MISFA: variants seen among roughly 807,000 people sequenced by gnomAD.
The protein encoded by MISFA is mitochondrial sheath formation associated, also known as mitochondrial sheath formation-associated protein.
At chr11:18,606,629 ATATT>A in the MISFA span, 6 of 369,660 alleles carry the variant, frequency 1.6e-5, no homozygotes, top group Admixed American at 1.4e-4. Flanking sequence ...AAACGTCTGA[ATATT>A]TAATCACATC....
chr11:18,604,185 C>T, the MISFA span, among the ~76,000 whole-genome samples: 1 of 151,946 alleles, frequency 6.6e-6, no homozygotes, highest in Non-Finnish European at 1.5e-5. Flanking sequence ...CTCGGCCTCC[C>T]AAAGTGCTGG....
At chr11:18,604,208 G>A in the MISFA span, among the ~76,000 whole-genome samples, 2 of 152,000 alleles carry the variant, frequency 1.3e-5, no homozygotes, top group African/African-American at 4.8e-5. Context: ...TTACAGGCGT[G>A]AGCCAATGTG....
chr11:18,603,143 T>A, the MISFA span: 1 of 399,092 alleles, frequency 2.5e-6, no homozygotes, highest in Non-Finnish European at 4.4e-6. Flanking sequence ...GTCTTATGGA[T>A]GCTTCTCATT....
chr11:18,604,894 A>G, the MISFA span, among the ~76,000 whole-genome samples: 1 of 152,192 alleles, frequency 6.6e-6, no homozygotes, highest in African/African-American at 2.4e-5. Context: ...GAGCCAAACA[A>G]GAGACTGTGG....
At chr11:18,609,765 T>C in the MISFA span, 2 of 1,056,968 alleles carry the variant, frequency 1.9e-6, no homozygotes, top group Non-Finnish European at 2.8e-6. Context: ...AGTACCCAAG[T>C]ATAAATCTAA....
the MISFA span, among the ~76,000 whole-genome samples, chr11:18,605,501 G>A: frequency 6.6e-6 from 1 of 151,990 alleles, no homozygotes; most frequent in Non-Finnish European, 1.5e-5. Context: ...CTATTTGTAA[G>A]TGGCTCTTTG....
At chr11:18,609,575 C>A in the MISFA span, 1 of 335,588 alleles carries the variant, frequency 3.0e-6, no homozygotes. Flanking sequence ...TGGTGAGTGG[C>A]CCCACATTAG....
chr11:18,609,729 A>G, the MISFA span: 26 of 719,060 alleles, frequency 3.6e-5, no homozygotes, highest in East Asian at 6.2e-4. Flanking sequence ...CAGCCTGCAA[A>G]TGACAGTATG....
At chr11:18,603,182 A>G in the MISFA span, 2 of 399,048 alleles carry the variant, frequency 5.0e-6, no homozygotes, top group Non-Finnish European at 8.8e-6. Context: ...GGATATAAAT[A>G]TCCCCCAGGA....
At chr11:18,607,977 G>A in the MISFA span, 1 of 152,266 alleles carries the variant, frequency 6.6e-6, no homozygotes, top group Non-Finnish European at 1.5e-5. Flanking sequence ...AGATTTCAGA[G>A]TCTGAATACT....
chr11:18,600,359 A>C, the MISFA span, among the ~76,000 whole-genome samples: 2 of 150,946 alleles, frequency 1.3e-5, no homozygotes, highest in African/African-American at 2.4e-5. Context: ...ATGCACCACC[A>C]CGCCTGGCGA....
At chr11:18,609,073 TC>T in the MISFA span, 1 of 152,316 alleles carries the variant, frequency 6.6e-6, no homozygotes, top group Non-Finnish European at 1.5e-5. Context: ...AAATATTTTT[TC>T]TTCGATATAA....
chr11:18,603,917 CTTTTTT>C, the MISFA span: 74 of 53,000 alleles, frequency 1.4e-3, 1 homozygote, highest in Admixed American at 2.6e-3. Context: ...AGTTACCGCA[CTTTTTT>C]TTTTTTTTTT....
At chr11:18,600,512 C>CTTT in the MISFA span, among the ~76,000 whole-genome samples, 375 of 54,014 alleles carry the variant, frequency 6.9e-3, 5 homozygotes, top group Admixed American at 0.012. Flanking sequence ...TGGGGACATC[C>CTTT]TTTTTTTTTT....
chr11:18,604,591 G>A, the MISFA span, among the ~76,000 whole-genome samples: 1 of 151,274 alleles, frequency 6.6e-6, no homozygotes, highest in Admixed American at 6.6e-5. Flanking sequence ...ATCGGCCACT[G>A]CACTCCAGCC....
At chr11:18,601,741 G>A in the MISFA span, 1 of 387,566 alleles carries the variant, frequency 2.6e-6, no homozygotes, top group African/African-American at 2.1e-5. Context: ...CCTTTTGGCA[G>A]ATACTGAAAC....
At chr11:18,605,230 A>G in the MISFA span, among the ~76,000 whole-genome samples, 1 of 146,600 alleles carries the variant, frequency 6.8e-6, no homozygotes, top group Admixed American at 7.1e-5. Flanking sequence ...ACAAAGCAAG[A>G]CCTTGTCTCA....
At chr11:18,601,497 G>C in the MISFA span, 2 of 397,162 alleles carry the variant, frequency 5.0e-6, no homozygotes, top group African/African-American at 4.2e-5. Flanking sequence ...ACCCAGGCTG[G>C]AGTGAGGTGC....
chr11:18,603,012 T>C, the MISFA span: 1 of 396,588 alleles, frequency 2.5e-6, no homozygotes, highest in Non-Finnish European at 4.4e-6. Context: ...GGAGCTGCCA[T>C]GCTGGGCCAT....
Sources: gnomAD v4.1 joint callset for allele counts (sites outside exome capture counted in the v4.1 genomes callset) on GRCh38, gnomAD v4.1.1 for gene constraint, MANE v1.5 for transcripts, NCBI Gene and HGNC (gene_info 2026-07-23, HGNC 2026-07-21) for gene names.